The following ABHD12 variants were observed in gnomAD, a reference collection of about 807,000 sequenced individuals.
ABHD12 encodes the protein abhydrolase domain containing 12, lysophospholipase, also known as lysophosphatidylserine lipase ABHD12.
ABHD12 carries 43 observed loss-of-function variants against 58.3 expected under a neutral mutation model. The observed-to-expected ratio is 0.74, with a 90% CI of 0.58 to 0.95. The LOEUF (loss-of-function observed/expected upper bound fraction) is 0.95. ABHD12 is among the 40% of genes least tolerant of loss of function. The probability of loss-of-function intolerance (pLI) is 0.00; values close to 1 mark genes in which losing one functional copy is unlikely to be tolerated. For missense variants in ABHD12, 539 were observed against 537.2 expected (o/e 1.00, Z -0.03); for synonymous variants, 219 against 211.2 (o/e 1.04, Z -0.32).
At chr20:25,362,997 T>C (rs1335825619) in intron 1 of ABHD12, among the ~76,000 whole-genome samples, 3 of 150,176 alleles carry the variant, frequency 2.0e-5, no homozygotes, top group Non-Finnish European at 4.4e-5. Context: ...TTTTTTGGAG[T>C]TTTTCAAGTA....
chr20:25,319,101 C>T lies in ABHD12; in HGVS notation c.542+1098G>A, dbSNP rs118124577. On this transcript the variant is annotated intron_variant, in intron 4 of 12. Transcript: ENST00000339157. ...CCTGGCCCCGCAGCAGCCCTGTCTC[C>T]GTGCTGGGTCTGCCTCTGTGCTGGC... Among the ~76,000 whole-genome samples, 1,473 of 152,366 alleles carry T rather than the reference C, an allele frequency of 9.7e-3. 7 individuals carry two copies. The highest frequency in any genetic ancestry group is 0.016 in the Non-Finnish European group (1,078 of 68,024).
chr20:25,330,540 A>C (rs2089254938), intron 2 of ABHD12, among the ~76,000 whole-genome samples: 1 of 152,228 alleles, frequency 6.6e-6, no homozygotes, highest in Non-Finnish European at 1.5e-5. Context: ...GACAGCAGTA[A>C]CCTCTGCAGA....
intron 1 of ABHD12, among the ~76,000 whole-genome samples, chr20:25,355,483 G>C (rs113844719): frequency 1.3e-5 from 2 of 151,948 alleles, no homozygotes; most frequent in Admixed American, 6.6e-5. Flanking sequence ...TTTTCTTTGG[G>C]AAATTTAAAG....
chr20:25,312,588 G>T (rs1188007563), intron 6 of ABHD12, among the ~76,000 whole-genome samples: 5 of 152,186 alleles, frequency 3.3e-5, no homozygotes, highest in African/African-American at 1.2e-4. Context: ...TGCAGCCTCT[G>T]CCCGGCCGCC....
downstream of ABHD12, among the ~76,000 whole-genome samples, chr20:25,299,054 C>A (rs1408372336): frequency 6.7e-6 from 1 of 149,904 alleles, no homozygotes; most frequent in Non-Finnish European, 1.5e-5. Flanking sequence ...GAGCAGCTGC[C>A]ACACAGTGCA....
chr20:25,382,708 C>A (rs965149736), intron 1 of ABHD12, among the ~76,000 whole-genome samples: 1 of 152,102 alleles, frequency 6.6e-6, no homozygotes, highest in Admixed American at 6.6e-5. Context: ...CCAAAGATAC[C>A]CCTCACAGTT....
At chr20:25,323,547 A>C (rs1346852044) in intron 2 of ABHD12, 117 bp from the exon 3 acceptor site, 5 of 737,946 alleles carry the variant, frequency 6.8e-6, no homozygotes, top group Non-Finnish European at 1.2e-5. Context: ...GCACACACAC[A>C]CATGCACACC....
chr20:25,306,769 C>T, intron 10 of ABHD12, 64 bp downstream of exon 10: 1 of 1,130,606 alleles, frequency 8.8e-7, no homozygotes, highest in Non-Finnish European at 1.3e-6. Flanking sequence ...ACTAAAGAGG[C>T]TCATCCAGAG....
At chr20:25,320,468 T>C in intron 3 of ABHD12, 150 bp from the exon 4 acceptor site, 1 of 1,048,710 alleles carries the variant, frequency 9.5e-7, no homozygotes, top group Non-Finnish European at 1.4e-6. Context: ...TGGGGGTGGG[T>C]GGTAGAAAAC....
At chr20:25,334,071 C>T (rs1272188772) in intron 2 of ABHD12, among the ~76,000 whole-genome samples, 1 of 151,970 alleles carries the variant, frequency 6.6e-6, no homozygotes, top group African/African-American at 2.4e-5. Context: ...ATTGTCTCAG[C>T]CCAAAATCTC....
intron 6 of ABHD12, among the ~76,000 whole-genome samples, chr20:25,313,651 G>A (rs535324135): frequency 3.3e-4 from 49 of 149,144 alleles, no homozygotes; most frequent in Non-Finnish European, 6.3e-4. Flanking sequence ...GTGTAGTGGT[G>A]TGTGCCTGTG....
chr20:25,323,257 A>C, intron 3 of ABHD12, 68 bp downstream of exon 3: 2 of 955,384 alleles, frequency 2.1e-6, no homozygotes, highest in Non-Finnish European at 3.5e-6. Context: ...TGTCAAAGAC[A>C]GCACCAGCTC....
chr20:25,376,512 G>A (rs2089964647), intron 1 of ABHD12, among the ~76,000 whole-genome samples: 1 of 152,216 alleles, frequency 6.6e-6, no homozygotes, highest in African/African-American at 2.4e-5. Flanking sequence ...GTATCCTACT[G>A]TGAGAAGGCC....
chr20:25,312,136 T>C (rs569616390), intron 6 of ABHD12, among the ~76,000 whole-genome samples: 17 of 152,148 alleles, frequency 1.1e-4, no homozygotes, highest in Admixed American at 1.3e-4. Flanking sequence ...CTGGGCAACA[T>C]GGCGAAACCC....
chr20:25,302,500 G>A (rs766152337), intron 11 of ABHD12, among the ~76,000 whole-genome samples, 154 bp from the exon 12 acceptor site: 1 of 152,062 alleles, frequency 6.6e-6, no homozygotes, highest in Non-Finnish European at 1.5e-5. Flanking sequence ...CAGGAGGCCC[G>A]GGGGTGGGCT....
chr20:25,294,804 A>G, exon 13 of ABHD12: 1 of 733,530 alleles, frequency 1.4e-6, no homozygotes, highest in Non-Finnish European at 2.5e-6. Flanking sequence ...TGGTTTATCT[A>G]GAGTTACAGA....
At chr20:25,368,054 C>T (rs1441927919) in intron 1 of ABHD12, among the ~76,000 whole-genome samples, 5 of 152,230 alleles carry the variant, frequency 3.3e-5, no homozygotes, top group Non-Finnish European at 7.3e-5. Flanking sequence ...TCATTGCCAA[C>T]ATTTACTATT....
In ABHD12 at chr20:25,309,539, C is replaced by G; in HGVS notation, c.656G>C (p.Gly219Ala). ...AACGTGGAGTGCGTCATAGGTCATG[C>G]CCCGCTCAGATGGCGTTCCCACTGA... ...GDSVGTPSERGMTYDALHVFD... is the reference protein window; with the variant it reads ...GDSVGTPSERAMTYDALHVFD... Residue 219 changes from glycine to alanine, a missense_variant, in exon 7 of 13, where the codon GGC (glycine) becomes GCC (alanine). By Grantham distance (60) the Gly-to-Ala change is moderately conservative (BLOSUM62 0). Transcript: ENST00000339157. 6.2e-7 allele frequency: 1 copy of G among 1,614,190 alleles called. No individual in the cohort carries two copies. Among genetic ancestry groups the G allele is most frequent in the Non-Finnish European group, 8.5e-7 (1 of 1,180,018 alleles).
intron 12 of ABHD12, among the ~76,000 whole-genome samples, chr20:25,301,868 G>A (rs73345008): frequency 2.0e-5 from 3 of 152,378 alleles, no homozygotes; most frequent in Admixed American, 6.5e-5. Flanking sequence ...AGCTGTGTAC[G>A]TCTTGAGAGG....
Sources: allele counts gnomAD v4.1 joint callset (sites outside exome capture counted in the v4.1 genomes callset), GRCh38; gene constraint gnomAD v4.1.1; transcripts MANE v1.5; gene names NCBI Gene and HGNC (gene_info 2026-07-23, HGNC 2026-07-21).